SMARCA2: variants seen among roughly 807,000 people sequenced by gnomAD.
SMARCA2 encodes the protein SWI/SNF-related matrix-associated actin-dependent regulator of chromatin subfamily A member 2.
In SMARCA2, 61 loss-of-function variants were observed where a neutral mutation model predicts 199.8. That is an observed-to-expected ratio of 0.31 (90% CI 0.25 to 0.38). The LOEUF (loss-of-function observed/expected upper bound fraction) is 0.38, where lower values mean the gene tolerates loss of function less well. Ranked by LOEUF, SMARCA2 falls within the 10% of genes least tolerant of loss-of-function variation. SMARCA2 has a pLI of 1.00. For missense variants in SMARCA2, 1,344 were observed against 2,012.2 expected (o/e 0.67, Z 6.35); for synonymous variants, 935 against 732.0 (o/e 1.28, Z -4.48).
At chr9:2,130,492 T>G (rs927866670) in intron 27 of SMARCA2, among the ~76,000 whole-genome samples, 10 of 152,176 alleles carry the variant, frequency 6.6e-5, no homozygotes, top group African/African-American at 2.4e-4. Flanking sequence ...CATACCAACT[T>G]TATCCTAATT....
chr9:2,103,949 T>G, intron 22 of SMARCA2, 54 bp from the exon 23 acceptor site: 4 of 1,542,270 alleles, frequency 2.6e-6, no homozygotes, highest in Admixed American at 1.8e-5. Context: ...GCTGGATTTT[T>G]TAAGAAGACA....
chr9:2,044,050 G>C (rs1819727346), intron 4 of SMARCA2: 1 of 152,214 alleles, frequency 6.6e-6, no homozygotes, highest in South Asian at 2.1e-4. Context: ...CTAGTGTAGA[G>C]GAGACGATTT....
intron 27 of SMARCA2, among the ~76,000 whole-genome samples, chr9:2,126,855 C>G (rs1470576129): frequency 6.6e-6 from 1 of 152,238 alleles, no homozygotes; most frequent in Non-Finnish European, 1.5e-5. Flanking sequence ...TGTAGCCCCT[C>G]CAGTTCGTGG....
intron 24 of SMARCA2, among the ~76,000 whole-genome samples, chr9:2,111,765 A>G (rs954824615): frequency 5.3e-5 from 8 of 152,126 alleles, no homozygotes; most frequent in African/African-American, 1.9e-4. Context: ...CAGTTTTCTT[A>G]TTCGGTGGAG....
At chr9:2,129,730 G>C (rs1488927610) in intron 27 of SMARCA2, among the ~76,000 whole-genome samples, 2 of 152,156 alleles carry the variant, frequency 1.3e-5, no homozygotes, top group Non-Finnish European at 2.9e-5. Flanking sequence ...CTGGTGACCA[G>C]TGCCCACTGG....
intron 13 of SMARCA2, 25 bp downstream of exon 13, chr9:2,076,354 A>T: frequency 7.5e-7 from 1 of 1,326,916 alleles, no homozygotes; most frequent in African/African-American, 1.4e-5. Context: ...TTTCCCTTGG[A>T]AATGCATTGC....
chr9:2,038,664 A>AC (rs936764427), intron 3 of SMARCA2, among the ~76,000 whole-genome samples: 51 of 151,308 alleles, frequency 3.4e-4, no homozygotes, highest in Admixed American at 4.6e-4. Context: ...GCTTGAAAAT[A>AC]CCCCCCCTTT....
chr9:2,049,672 G>A (rs940537498), intron 5 of SMARCA2, among the ~76,000 whole-genome samples: 1 of 152,172 alleles, frequency 6.6e-6, no homozygotes, highest in Non-Finnish European at 1.5e-5. Flanking sequence ...GGCATGTTTT[G>A]TATTCTTTGG....
intron 14 of SMARCA2, among the ~76,000 whole-genome samples, chr9:2,079,619 C>G (rs1821477742): frequency 6.6e-6 from 1 of 152,148 alleles, no homozygotes; most frequent in Non-Finnish European, 1.5e-5. Flanking sequence ...TTGGGGGGCC[C>G]TGAGAACCCC....
At chr9:2,102,857 A>G (rs1056202176) in intron 22 of SMARCA2, among the ~76,000 whole-genome samples, 3 of 152,182 alleles carry the variant, frequency 2.0e-5, no homozygotes, top group Non-Finnish European at 2.9e-5. Flanking sequence ...AACGTTCAGT[A>G]TAGCTCATAG....
At chr9:2,019,991 C>G (rs913026160) in intron 1 of SMARCA2, among the ~76,000 whole-genome samples, 2 of 152,200 alleles carry the variant, frequency 1.3e-5, no homozygotes, top group Non-Finnish European at 2.9e-5. Flanking sequence ...AGGACTGTTT[C>G]CCAGCATTTG....
chr9:2,020,393 C>T (rs1229736889), intron 1 of SMARCA2, among the ~76,000 whole-genome samples: 5 of 151,988 alleles, frequency 3.3e-5, no homozygotes, highest in African/African-American at 1.2e-4. Context: ...ATGGGTCATT[C>T]GCTAAGTAGT....
chr9:2,040,202 C>G (rs1819545529), intron 4 of SMARCA2: 1 of 587,678 alleles, frequency 1.7e-6, no homozygotes, highest in Non-Finnish European at 3.0e-6. Flanking sequence ...AGCCCATCCA[C>G]ACACACAAGG....
At position 2,086,820 on chromosome 9, in the gene SMARCA2, G is replaced by A; in HGVS notation, c.2527-9G>A. 1.2e-6 allele frequency: 2 copies of A among 1,614,006 alleles called. No homozygotes were observed. The highest frequency in any genetic ancestry group is 2.2e-5 in the East Asian group (1 of 44,880). On this transcript the variant is annotated splice_polypyrimidine_tract_variant and intron_variant, in intron 17 of 33. Coordinates refer to ENST00000349721, the MANE Select transcript of SMARCA2 (RefSeq NM_003070.5). This position sits in a 1 kb window ranked among gnomAD's most constrained non-coding sequence, Gnocchi z 4.3. ...TTACTACACGTCCGTCCTTCCTCTTGTGTTATAGATTCGGTGGAAATACAT... is the reference window on the plus strand; with the variant it reads ...TTACTACACGTCCGTCCTTCCTCTTATGTTATAGATTCGGTGGAAATACAT...
At chr9:2,131,045 G>A (rs1229357495) in intron 27 of SMARCA2, among the ~76,000 whole-genome samples, 6 of 152,152 alleles carry the variant, frequency 3.9e-5, no homozygotes, top group African/African-American at 1.2e-4. Flanking sequence ...TGCTCTTTCT[G>A]CCAACTTCAG....
intron 24 of SMARCA2, among the ~76,000 whole-genome samples, chr9:2,112,664 G>A (rs1054619055): frequency 6.6e-6 from 1 of 152,138 alleles, no homozygotes; most frequent in African/African-American, 2.4e-5. Flanking sequence ...CTGGGCCTCT[G>A]CAAGTATTTC....
chr9:2,192,587 G>T, intron 33 of SMARCA2, 117 bp from the exon 34 acceptor site: 2 of 772,546 alleles, frequency 2.6e-6, no homozygotes, highest in Admixed American at 1.8e-5. Context: ...AAAGAGATTT[G>T]GCGAGTTGTT....
chr9:2,138,172 C>T (rs1824295282), intron 27 of SMARCA2, among the ~76,000 whole-genome samples: 1 of 124,272 alleles, frequency 8.0e-6, no homozygotes, highest in African/African-American at 4.8e-5. Context: ...CAGCAAAAAA[C>T]AACAACAACA....
chr9:2,163,220 G>A (rs1825772652), intron 28 of SMARCA2, among the ~76,000 whole-genome samples: 1 of 152,180 alleles, frequency 6.6e-6, no homozygotes, highest in Non-Finnish European at 1.5e-5. Context: ...CAAAAGGCCA[G>A]AAATTCTTGC....
Sources: allele counts gnomAD v4.1 joint callset (sites outside exome capture counted in the v4.1 genomes callset), GRCh38; gene constraint gnomAD v4.1.1; non-coding constraint Gnocchi (gnomAD v3.1); transcripts MANE v1.5; gene names NCBI Gene and HGNC (gene_info 2026-07-23, HGNC 2026-07-21).